XPR1: variants seen among roughly 807,000 people sequenced by gnomAD.
The protein encoded by XPR1 is solute carrier family 53 member 1.
XPR1 carries 28 observed loss-of-function variants against 87.5 expected under a neutral mutation model. That is an observed-to-expected ratio of 0.32 (90% CI 0.24 to 0.44). The LOEUF (loss-of-function observed/expected upper bound fraction) is 0.44. XPR1 is among the 20% of genes least tolerant of loss of function. The pLI is 1.00. For missense variants in XPR1, 559 were observed against 862.3 expected (o/e 0.65, Z 4.41); for synonymous variants, 300 against 306.1 (o/e 0.98, Z 0.21).
intron 2 of XPR1, among the ~76,000 whole-genome samples, chr1:180,686,149 C>G (rs1262644322): frequency 2.0e-5 from 3 of 152,120 alleles, no homozygotes; most frequent in South Asian, 2.1e-4. Context: ...CCTCTACACA[C>G]TGCTTTGAAT....
intron 2 of XPR1, among the ~76,000 whole-genome samples, chr1:180,732,642 G>T (rs1490709063): frequency 6.6e-6 from 1 of 152,224 alleles, no homozygotes; most frequent in African/African-American, 2.4e-5. Flanking sequence ...TGGTCACGTT[G>T]TGGGGCTCTG....
chr1:180,743,294 A>G (rs1295079459), intron 2 of XPR1, among the ~76,000 whole-genome samples: 3 of 148,780 alleles, frequency 2.0e-5, no homozygotes, highest in Admixed American at 6.7e-5. Flanking sequence ...ATCTGTTTCT[A>G]CAGTTATTTT....
intron 1 of XPR1, among the ~76,000 whole-genome samples, chr1:180,634,684 G>A (rs1654708917): frequency 6.6e-6 from 1 of 152,024 alleles, no homozygotes; most frequent in African/African-American, 2.4e-5. Context: ...TTTTACCCTT[G>A]GTTTCTAGCC....
chr1:180,661,779 G>A (rs1176196524), intron 1 of XPR1, among the ~76,000 whole-genome samples: 1 of 152,132 alleles, frequency 6.6e-6, no homozygotes, highest in East Asian at 1.9e-4. Context: ...GGAGGCTGCG[G>A]CAGGAGAATC....
chr1:180,808,000 AAAAAG>A (rs1346503314), intron 6 of XPR1, among the ~76,000 whole-genome samples: 1 of 152,184 alleles, frequency 6.6e-6, no homozygotes, highest in African/African-American at 2.4e-5. Context: ...CTGTCTCCAA[AAAAAG>A]AAAAGTATAT....
intron 2 of XPR1, among the ~76,000 whole-genome samples, chr1:180,696,188 GTGTGTGTGTGTGTGTGTGTGTATATA>G (rs1448090711): frequency 9.1e-6 from 1 of 109,876 alleles, no homozygotes; most frequent in Non-Finnish European, 1.8e-5. Flanking sequence ...GTGTGTGTGT[GTGTGTGTGTGTGTGTGTGTGTATATA>G]TATATATATA....
intron 3 of XPR1, among the ~76,000 whole-genome samples, chr1:180,794,649 A>C (rs564822157): frequency 6.6e-6 from 1 of 152,334 alleles, no homozygotes; most frequent in African/African-American, 2.4e-5. Context: ...AGTGAAATTT[A>C]AATTGGGTCT....
At chr1:180,769,841 A>C (rs183562319) in intron 2 of XPR1, among the ~76,000 whole-genome samples, 2 of 152,148 alleles carry the variant, frequency 1.3e-5, no homozygotes, top group African/African-American at 4.8e-5. Context: ...TAATTTTTTG[A>C]GGAACCTCCA....
intron 9 of XPR1, among the ~76,000 whole-genome samples, chr1:180,826,007 G>A (rs1216038955): frequency 6.6e-6 from 1 of 152,098 alleles, no homozygotes; most frequent in Non-Finnish European, 1.5e-5. Flanking sequence ...CCGCGATTGT[G>A]CCATTGCATT....
chr1:180,760,091 G>T (rs1272398850), intron 2 of XPR1, among the ~76,000 whole-genome samples: 1 of 152,120 alleles, frequency 6.6e-6, no homozygotes, highest in South Asian at 2.1e-4. Context: ...GCTCAATAAA[G>T]TAGGTATTGA....
In XPR1 at chr1:180,725,695, C is replaced by T. The variant is rs185960787; in HGVS notation, c.121+43284C>T. Among the ~76,000 whole-genome samples the T allele has an allele frequency of 2.0e-5, 3 of 152,308 alleles. No homozygotes were observed. The East Asian group carries it at 5.8e-4, about 29-fold the overall frequency. Reference sequence around the variant, plus strand: ...GTCTCATTGAACTTACCTAGATATACTATCTCTCATTTTAACACTTTTGTT... The same window carrying T: ...GTCTCATTGAACTTACCTAGATATATTATCTCTCATTTTAACACTTTTGTT... On this transcript the variant is annotated intron_variant, in intron 2 of 14. Coordinates refer to ENST00000367590, the MANE Select transcript of XPR1 (RefSeq NM_004736.4).
intron 2 of XPR1, among the ~76,000 whole-genome samples, chr1:180,744,129 CA>C (rs1176658440): frequency 6.6e-6 from 1 of 152,132 alleles, no homozygotes; most frequent in Non-Finnish European, 1.5e-5. Flanking sequence ...TGCAGTCCCT[CA>C]AGTCACTGAG....
rs776578136 is a variant in XPR1 at position 180,834,957 on chromosome 1, A to T, written c.1218A>T (p.Ile406=). 3.7e-6 allele frequency: 6 copies of T among 1,613,908 alleles called. No homozygotes were observed. The highest frequency in any genetic ancestry group is 5.1e-6 in the Non-Finnish European group (6 of 1,180,026). ...LADQLNSLSV[I]LMDLEYMICF... ...ATCAGCTGAACAGCCTGTCAGTGAT[A>T]CTGATGGACCTGGAATATATGATCT... The change falls in exon 10 of 15, where the codon ATA becomes ATT. Residue 406 remains isoleucine (I), a synonymous_variant. Coordinates refer to ENST00000367590, the MANE Select transcript of XPR1 (RefSeq NM_004736.4).
chr1:180,766,110 G>A (rs1195467599), intron 2 of XPR1, among the ~76,000 whole-genome samples: 2 of 151,854 alleles, frequency 1.3e-5, no homozygotes, highest in African/African-American at 4.8e-5. Flanking sequence ...ATTCCCTCCT[G>A]CCTCCCAATT....
chr1:180,632,503 G>T (rs1180514407), intron 1 of XPR1, among the ~76,000 whole-genome samples: 3 of 152,192 alleles, frequency 2.0e-5, no homozygotes. Context: ...GCAGGCGGAG[G>T]GCCGGGAGGA....
At chr1:180,691,390 G>C (rs907095273) in intron 2 of XPR1, among the ~76,000 whole-genome samples, 1 of 152,094 alleles carries the variant, frequency 6.6e-6, no homozygotes, top group Non-Finnish European at 1.5e-5. Context: ...CCTATTGCTT[G>C]ATAGTTTTCC....
intron 13 of XPR1, among the ~76,000 whole-genome samples, 177 bp from the exon 14 acceptor site, chr1:180,879,899 T>G (rs1485451159): frequency 1.3e-5 from 2 of 152,130 alleles, no homozygotes; most frequent in Non-Finnish European, 2.9e-5. Flanking sequence ...TAGTCTTGTT[T>G]CCCTTACCCC....
chr1:180,762,137 G>A (rs1019834267), intron 2 of XPR1, among the ~76,000 whole-genome samples: 2 of 128,450 alleles, frequency 1.6e-5, no homozygotes, highest in Admixed American at 8.1e-5. Context: ...CGGGGGAGGG[G>A]GGAGGGATAG....
At chr1:180,802,603 T>C (rs914278416) in intron 3 of XPR1, among the ~76,000 whole-genome samples, 3 of 152,226 alleles carry the variant, frequency 2.0e-5, no homozygotes, top group Admixed American at 2.0e-4. Context: ...TTCACAAGGT[T>C]GTACAACCAT....
Sources: gnomAD v4.1 joint callset for allele counts (sites outside exome capture counted in the v4.1 genomes callset) on GRCh38, gnomAD v4.1.1 for gene constraint, MANE v1.5 for transcripts, NCBI Gene and HGNC (gene_info 2026-07-23, HGNC 2026-07-21) for gene names.